Variants in RARS1 observed in about 807,000 individuals in gnomAD.
RARS1 encodes arginine--tRNA ligase, cytoplasmic.
A neutral mutation model predicts 78.7 loss-of-function variants in RARS1; 75 were observed. That is an observed-to-expected ratio of 0.95 (90% CI 0.79 to 1.15). The LOEUF (loss-of-function observed/expected upper bound fraction) is 1.15. Ranked by LOEUF, RARS1 falls within the 50% of genes most tolerant of loss-of-function variation. The pLI, the probability that RARS1 is intolerant of heterozygous loss-of-function variation, is 0.00. For missense variants in RARS1, 787 were observed against 787.5 expected, an observed-to-expected ratio of 1.00 and a Z score of 0.01; for synonymous variants, 273 against 268.2, an observed-to-expected ratio of 1.02 and a Z score of -0.18.
At chr5:168,489,831 T>TTTTTA (rs1299825100) in intron 2 of RARS1, among the ~76,000 whole-genome samples, 1 of 148,262 alleles carries the variant, frequency 6.7e-6, no homozygotes, top group African/African-American at 2.5e-5. Flanking sequence ...TTTTTTTTTT[T>TTTTTA]GAGACGGAGT....
Position 168,492,951 on chromosome 5 carries a change from A to G in RARS1, c.369+104A>G, listed in dbSNP as rs1471045204. 3.6e-6 allele frequency: 4 copies of G among 1,113,580 alleles called. No individual in the cohort carries two copies. In the Admixed American group the frequency reaches 9.3e-5, roughly 26 times the overall value. The allele number at this position is 1,113,580 out of a possible 1,614,324, so 69.0% of individuals were successfully genotyped here. A position where few individuals can be genotyped will look rare whatever the true frequency, so the allele number is the denominator to read the frequency against. On this transcript the variant is annotated intron_variant, in intron 3 of 14. Transcript: ENST00000231572. ...TATTACAAGTTGTATCCTTAGTGAA[A>G]AGGACATTTGCCACAGTTTGAAAAA... is the stretch of plus-strand genomic sequence containing the variant.
intron 10 of RARS1, 142 bp from the exon 11 acceptor site, chr5:168,506,580 G>A (rs576119650): frequency 6.4e-6 from 4 of 624,802 alleles, no homozygotes; most frequent in South Asian, 4.3e-5. Flanking sequence ...GGGAATAAAA[G>A]AAGAGGTTTT....
intron 7 of RARS1, 33 bp downstream of exon 7, chr5:168,497,381 GT>G: frequency 6.9e-7 from 1 of 1,447,256 alleles, no homozygotes; most frequent in Non-Finnish European, 9.2e-7. Context: ...TTATGTGTGT[GT>G]TTACCATTAA....
chr5:168,499,630 C>T (rs993752180), intron 7 of RARS1, among the ~76,000 whole-genome samples: 7 of 151,716 alleles, frequency 4.6e-5, no homozygotes, highest in Non-Finnish European at 1.0e-4. Context: ...GAGTTCTGTA[C>T]TTCGAATATA....
intron 6 of RARS1, among the ~76,000 whole-genome samples, chr5:168,496,007 A>G (rs1302142858): frequency 6.6e-6 from 1 of 152,130 alleles, no homozygotes; most frequent in Non-Finnish European, 1.5e-5. Context: ...TTAAAGAAAT[A>G]AAAATTTTTA....
intron 5 of RARS1, 61 bp from the exon 6 acceptor site, chr5:168,495,254 A>G: frequency 6.4e-7 from 1 of 1,551,408 alleles, no homozygotes; most frequent in East Asian, 2.3e-5. Context: ...CTCTTAAAAA[A>G]ATCTTTCTCT....
At chr5:168,510,910 TTTG>T (rs1758551944) in intron 12 of RARS1, among the ~76,000 whole-genome samples, 1 of 152,254 alleles carries the variant, frequency 6.6e-6, no homozygotes, top group Non-Finnish European at 1.5e-5. Context: ...TTTTTCCTCC[TTTG>T]TTAATGTAGC....
chr5:168,493,873 T>C (rs750262774), intron 3 of RARS1, 21 bp from the exon 4 acceptor site: 2 of 1,567,374 alleles, frequency 1.3e-6, no homozygotes, highest in African/African-American at 1.4e-5. Context: ...GTGTAATGAA[T>C]CATTTTATAT....
At chr5:168,498,234 A>G (rs1332401431) in intron 7 of RARS1, among the ~76,000 whole-genome samples, 1 of 152,232 alleles carries the variant, frequency 6.6e-6, no homozygotes, top group East Asian at 1.9e-4. Context: ...TTATCTTAAA[A>G]GATAAAATTA....
intron 2 of RARS1, among the ~76,000 whole-genome samples, chr5:168,489,441 C>T (rs1202133310): frequency 6.6e-6 from 1 of 152,178 alleles, no homozygotes; most frequent in Non-Finnish European, 1.5e-5. Context: ...CATATTTTCT[C>T]TGCCCTAAGT....
chr5:168,505,701 G>C (rs1026496484), intron 9 of RARS1, among the ~76,000 whole-genome samples: 1 of 121,316 alleles, frequency 8.2e-6, no homozygotes, highest in Non-Finnish European at 1.6e-5. Flanking sequence ...TAGCAAGACT[G>C]TGTATCAAAA....
chr5:168,497,251 G>T lies in RARS1; in HGVS notation c.725G>T (p.Gly242Val). ...AGGTTAAATCATGTAGGAGACTGGG[G>T]GACCCAGTTTGGCATGCTCATCGCT... ...VLRLNHVGDW[G>V]TQFGMLIAHL... The change falls in exon 7 of 15, where the codon GGG (glycine) becomes GTG (valine). Residue 242 changes from glycine (G) to valine (V), a missense_variant. Physicochemically the swap from Gly to Val is moderately radical, Grantham distance 109 (BLOSUM62 -3). Coordinates refer to ENST00000231572, the MANE Select transcript of RARS1 (RefSeq NM_002887.4). 1 of 1,578,054 alleles carries T rather than the reference G, an allele frequency of 6.3e-7. No homozygotes were observed. The highest frequency in any genetic ancestry group is 8.6e-7 in the Non-Finnish European group (1 of 1,160,296).
Position 168,510,655 on chromosome 5 carries a change from T to G in RARS1, c.1421T>G (p.Met474Arg). 1 of 1,610,458 alleles carries G rather than the reference T, an allele frequency of 6.2e-7. No homozygotes were observed. Among genetic ancestry groups the G allele is most frequent in the South Asian group, 1.1e-5 (1 of 90,052 alleles). ...DLLGEGLKRS[M>R]DKLKEKERDK... The stretch of plus-strand genomic sequence containing the variant: ...CTGGGAGAAGGACTAAAACGATCCA[T>G]GGACAAGTTGAAGGAAAAAGAAAGA... Residue 474 changes from methionine (M) to arginine (R), a missense_variant, in exon 12 of 15, where the codon ATG becomes AGG. Coordinates refer to ENST00000231572, the MANE Select transcript of RARS1 (RefSeq NM_002887.4).
intron 11 of RARS1, among the ~76,000 whole-genome samples, chr5:168,508,389 G>C (rs762123529): frequency 1.3e-5 from 2 of 151,160 alleles, no homozygotes; most frequent in African/African-American, 2.4e-5. Context: ...TTGGGAGGCC[G>C]AGGCAGGTGG....
At chr5:168,504,653 G>A (rs915017356) in intron 9 of RARS1, among the ~76,000 whole-genome samples, 6 of 151,438 alleles carry the variant, frequency 4.0e-5, no homozygotes, top group African/African-American at 7.3e-5. Flanking sequence ...GTGAAACCCC[G>A]TCTCTACTAA....
chr5:168,494,560 T>C lies in RARS1; in HGVS notation c.489T>C (p.Asn163=). The change falls in exon 5 of 15, where the codon AAT becomes AAC. Residue 163 remains asparagine (N), a synonymous_variant. Coordinates refer to ENST00000231572, the MANE Select transcript of RARS1 (RefSeq NM_002887.4). ...KVEIAGPGFI[N]VHLRKDFVSE... ...TCTTCTATCCATTAGGTTTTATTAA[T>C]GTCCACTTAAGAAAGGATTTTGTAT... 1.9e-6 allele frequency: 3 copies of C among 1,609,428 alleles called. No homozygotes were observed. The highest frequency in any genetic ancestry group is 2.2e-5 in the South Asian group (2 of 90,970).
intron 8 of RARS1, among the ~76,000 whole-genome samples, chr5:168,501,288 A>G (rs1758314536): frequency 1.3e-5 from 2 of 152,222 alleles, no homozygotes; most frequent in South Asian, 2.1e-4. Flanking sequence ...ACAGTAAGTA[A>G]TACTGTGTCA....
chr5:168,490,671 G>A (rs1041019895), intron 2 of RARS1, among the ~76,000 whole-genome samples: 7 of 151,576 alleles, frequency 4.6e-5, no homozygotes, highest in African/African-American at 1.7e-4. Context: ...GGTTCACTTT[G>A]GCCACATGCT....
At chr5:168,515,790 G>A (rs1758655463) in intron 12 of RARS1, among the ~76,000 whole-genome samples, 1 of 152,202 alleles carries the variant, frequency 6.6e-6, no homozygotes, top group Admixed American at 6.5e-5. Flanking sequence ...TCACACAGCT[G>A]CTGAAATCAC....
Sources: allele counts gnomAD v4.1 joint callset (sites outside exome capture counted in the v4.1 genomes callset), GRCh38; gene constraint gnomAD v4.1.1; transcripts MANE v1.5; gene names NCBI Gene and HGNC (gene_info 2026-07-23, HGNC 2026-07-21).